Variants in NCOA3 observed in about 807,000 individuals in gnomAD.
NCOA3 encodes the protein CBP-interacting protein.
Under a neutral mutation model 158.8 loss-of-function variants are expected in NCOA3, and 51 were observed. The ratio of observed to expected loss-of-function variants is 0.32; its 90% CI spans 0.26 to 0.41. The LOEUF (loss-of-function observed/expected upper bound fraction) is 0.41. Ranked by LOEUF, NCOA3 falls within the 10% of genes least tolerant of loss-of-function variation. The pLI is 1.00. For synonymous variants in NCOA3, 537 were observed against 592.4 expected (o/e 0.91, Z 1.36); for missense variants, 1,510 against 1,746.6 (o/e 0.86, Z 2.41).
chr20:47,641,200 T>C (rs2086600511), intron 16 of NCOA3, among the ~76,000 whole-genome samples: 1 of 152,188 alleles, frequency 6.6e-6, no homozygotes, highest in African/African-American at 2.4e-5. Flanking sequence ...GTTGGAGAAC[T>C]GAGGCAACTT....
At chr20:47,575,721 A>G (rs979794085) in intron 1 of NCOA3, among the ~76,000 whole-genome samples, 9 of 152,236 alleles carry the variant, frequency 5.9e-5, no homozygotes, top group African/African-American at 2.2e-4. Flanking sequence ...TTCTAAACGT[A>G]AAGGTAAATT....
At chr20:47,532,281 A>G in intron 1 of NCOA3, among the ~76,000 whole-genome samples, 1 of 152,020 alleles carries the variant, frequency 6.6e-6, no homozygotes, top group East Asian at 1.9e-4. Context: ...AGAGGGAACT[A>G]CCAGTGGAAA....
At chr20:47,626,079 G>A (rs1373263498) in intron 5 of NCOA3, among the ~76,000 whole-genome samples, 1 of 152,200 alleles carries the variant, frequency 6.6e-6, no homozygotes, top group Non-Finnish European at 1.5e-5. Context: ...TATGATGACT[G>A]TACGTTTCGG....
At chr20:47,509,637 G>A (rs991208690) in intron 1 of NCOA3, among the ~76,000 whole-genome samples, 2 of 152,164 alleles carry the variant, frequency 1.3e-5, no homozygotes, top group Non-Finnish European at 2.9e-5. Flanking sequence ...GCTGAGTGCA[G>A]TGGCTCCTGC....
intron 10 of NCOA3, 49 bp downstream of exon 10, chr20:47,634,244 C>A: frequency 3.3e-6 from 5 of 1,536,662 alleles, no homozygotes; most frequent in East Asian, 2.3e-5. Flanking sequence ...GCAGTGTTCT[C>A]AAAATGCTTT....
intron 1 of NCOA3, among the ~76,000 whole-genome samples, chr20:47,542,408 CT>C (rs2084759182): frequency 1.3e-5 from 2 of 152,050 alleles, no homozygotes; most frequent in Admixed American, 1.3e-4. Context: ...AGTGTGTCCT[CT>C]GTCCTCTCTC....
chr20:47,641,318 A>G (rs1175056410), intron 16 of NCOA3, among the ~76,000 whole-genome samples: 2 of 143,876 alleles, frequency 1.4e-5, no homozygotes, highest in African/African-American at 5.1e-5. Context: ...TGATAGCTCA[A>G]CATTTCTTTT....
At chr20:47,503,201 GA>G (rs2083969948) in intron 1 of NCOA3, among the ~76,000 whole-genome samples, 1 of 152,140 alleles carries the variant, frequency 6.6e-6, no homozygotes, top group African/African-American at 2.4e-5. Flanking sequence ...CCACCTAACT[GA>G]TCCCTGGCTG....
At chr20:47,562,856 T>C (rs892372322) in intron 1 of NCOA3, among the ~76,000 whole-genome samples, 3 of 152,198 alleles carry the variant, frequency 2.0e-5, no homozygotes, top group Admixed American at 6.5e-5. Flanking sequence ...TTCTTTTACA[T>C]GTAATTATGC....
intron 16 of NCOA3, 22 bp downstream of exon 16, chr20:47,640,073 C>T: frequency 6.2e-7 from 1 of 1,613,888 alleles, no homozygotes; most frequent in African/African-American, 1.3e-5. Context: ...TTTTGTGACT[C>T]TGTAGAAAAT....
At chr20:47,510,946 ATC>A (rs1388449033) in intron 1 of NCOA3, among the ~76,000 whole-genome samples, 1 of 152,002 alleles carries the variant, frequency 6.6e-6, no homozygotes, top group East Asian at 1.9e-4. Flanking sequence ...TTAAACTTCA[ATC>A]ATCTTTAATT....
At chr20:47,621,167 G>A (rs1318672029) in intron 2 of NCOA3, among the ~76,000 whole-genome samples, 1 of 151,914 alleles carries the variant, frequency 6.6e-6, no homozygotes, top group East Asian at 1.9e-4. Context: ...TACATATTTA[G>A]TGCATCTGTA....
rs2146306879 is a variant in NCOA3 at position 47,627,915 on chromosome 20, AT to A, written c.722-5del. 6.2e-6 allele frequency: 10 copies of A among 1,611,940 alleles called. No homozygotes were observed. The East Asian group carries it at 2.2e-4, about 36-fold the overall frequency. ...TAATCCTTACCAGGGTGAATTTTTTATTGTAGATTTGCAATCTTGTATGATC... is the reference window on the plus strand; with the variant it reads ...TAATCCTTACCAGGGTGAATTTTTTATGTAGATTTGCAATCTTGTATGATC... On this transcript the variant is annotated splice_polypyrimidine_tract_variant and splice_region_variant and intron_variant, in intron 7 of 22. Transcript: ENST00000371998.
chr20:47,578,645 G>A (rs1243951014), intron 1 of NCOA3, among the ~76,000 whole-genome samples: 1 of 152,202 alleles, frequency 6.6e-6, no homozygotes, highest in East Asian at 1.9e-4. Context: ...AATCCCAACT[G>A]CAAAAGTGTT....
At chr20:47,539,139 T>C (rs1408112237) in intron 1 of NCOA3, among the ~76,000 whole-genome samples, 1 of 152,152 alleles carries the variant, frequency 6.6e-6, no homozygotes, top group Non-Finnish European at 1.5e-5. Context: ...ATTTTAGCTT[T>C]TCATTTCTTG....
At position 47,651,260 on chromosome 20, in the gene NCOA3, A is replaced by G. The variant is rs752398490; in HGVS notation, c.3930A>G (p.Pro1310=). Residue 1310 remains proline, a synonymous_variant, in exon 20 of 23, where the codon CCA becomes CCG. Transcript: ENST00000371998. ...CACAAGCTCCTCCGCAACAGTTTCC[A>G]TATCAACCAAATTATGGTAAATCTG... ...TMPQAPPQQF[P]YQPNYGMGQQ... 2.5e-6 allele frequency: 4 copies of G among 1,606,290 alleles called. No homozygotes were observed. In the East Asian group the frequency reaches 6.7e-5, roughly 27 times the overall value.
intron 4 of NCOA3, 61 bp from the exon 5 acceptor site, chr20:47,625,320 A>C: frequency 8.8e-7 from 1 of 1,136,494 alleles, no homozygotes; most frequent in Non-Finnish European, 1.3e-6. Context: ...GGACTATTCG[A>C]AGGTGATTTA....
At chr20:47,608,372 T>C (rs1184433056) in intron 2 of NCOA3, among the ~76,000 whole-genome samples, 1 of 151,992 alleles carries the variant, frequency 6.6e-6, no homozygotes, top group East Asian at 1.9e-4. Context: ...GCTTGGTGGC[T>C]CATGCCTGTA....
intron 1 of NCOA3, among the ~76,000 whole-genome samples, chr20:47,568,409 T>G (rs2085233639): frequency 6.6e-6 from 1 of 152,202 alleles, no homozygotes; most frequent in African/African-American, 2.4e-5. Flanking sequence ...TCACTAATTT[T>G]TTGGTTTCCC....
Sources: gnomAD v4.1 joint callset for allele counts (sites outside exome capture counted in the v4.1 genomes callset) on GRCh38, gnomAD v4.1.1 for gene constraint, MANE v1.5 for transcripts, NCBI Gene and HGNC (gene_info 2026-07-23, HGNC 2026-07-21) for gene names.